STK3: variants seen among roughly 807,000 people sequenced by gnomAD.
The protein encoded by STK3 is serine/threonine kinase 3, also known as serine/threonine-protein kinase 3.
STK3 carries 41 observed loss-of-function variants against 58.0 expected under a neutral mutation model. That is an observed-to-expected ratio of 0.71 (90% CI 0.55 to 0.92). STK3 has a LOEUF of 0.92. STK3 is among the 40% of genes least tolerant of loss of function. The probability of loss-of-function intolerance (pLI) is 0.00; values close to 1 mark genes in which losing one functional copy is unlikely to be tolerated. For missense variants in STK3, 479 were observed against 602.7 expected, an observed-to-expected ratio of 0.79 and a Z score of 2.15; for synonymous variants, 170 against 191.0, an observed-to-expected ratio of 0.89 and a Z score of 0.91.
intron 3 of STK3, among the ~76,000 whole-genome samples, chr8:98,839,637 T>C (rs913211975): frequency 3.3e-5 from 5 of 152,226 alleles, no homozygotes; most frequent in Non-Finnish European, 7.3e-5. Flanking sequence ...AGGTAATTTT[T>C]TGCTTAATAA....
intron 1 of STK3, among the ~76,000 whole-genome samples, chr8:98,930,175 T>G (rs1419406895): frequency 2.0e-5 from 3 of 152,140 alleles, no homozygotes; most frequent in Admixed American, 1.3e-4. Context: ...GACAAATCCT[T>G]CATCTCAACT....
intron 1 of STK3, chr8:98,782,354 T>C (rs1351236673): frequency 5.3e-6 from 1 of 188,792 alleles, no homozygotes; most frequent in Non-Finnish European, 1.1e-5. Context: ...CTGCATCAGC[T>C]GCTCAAAGAT....
chr8:98,600,588 C>G (rs1227182492), intron 6 of STK3, among the ~76,000 whole-genome samples: 3 of 152,166 alleles, frequency 2.0e-5, no homozygotes, highest in Non-Finnish European at 2.9e-5. Flanking sequence ...ACCACTGCTT[C>G]CATCAGATTT....
intron 8 of STK3, among the ~76,000 whole-genome samples, chr8:98,565,025 C>T (rs886865721): frequency 6.6e-6 from 1 of 151,972 alleles, no homozygotes; most frequent in East Asian, 1.9e-4. Flanking sequence ...TTCTATAAAC[C>T]TAAAACTATT....
chr8:98,697,962 G>T (rs1450008053), intron 6 of STK3, among the ~76,000 whole-genome samples: 1 of 152,152 alleles, frequency 6.6e-6, no homozygotes, highest in Non-Finnish European at 1.5e-5. Context: ...TGACAGTGGG[G>T]TGTTAAAGTC....
In STK3 at chr8:98,526,932, G is replaced by A. The variant is rs1463939062; in HGVS notation, c.1142-15C>T. The stretch of plus-strand genomic sequence containing the variant: ...GGTTGCATTTCCTTAGGTAAACAAA[G>A]AACATAAGGAAGGTATAAGTTCTTA... On this transcript the variant is annotated splice_polypyrimidine_tract_variant and intron_variant, in intron 9 of 10. Transcript: ENST00000419617. 3 of 1,508,852 alleles carry A rather than the reference G, an allele frequency of 2.0e-6. No homozygotes were observed. The African/African-American group carries it at 4.2e-5, about 21-fold the overall frequency. 93.5% of individuals were successfully genotyped at this position (1,508,852 alleles called of 1,614,324 possible). A position where few individuals can be genotyped will look rare whatever the true frequency, so the allele number is the denominator to read the frequency against.
Position 98,444,616 on chromosome 8 carries a change from G to T in STK3, n.186-7408C>A, listed in dbSNP as rs141169120. Among the ~76,000 whole-genome samples, 10 of 152,274 alleles carry T rather than the reference G, an allele frequency of 6.6e-5. No individual in the cohort carries two copies. In the East Asian group the frequency reaches 1.9e-3, roughly 29 times the overall value. On this transcript the variant is annotated intron_variant and non_coding_transcript_variant, in intron 1 of 3. Coordinates refer to the STK3 transcript ENST00000517832. ...GGGTGAAAGACAATGAAGATTTAAG[G>T]GGGACTCCCGGGTTTCTAGCATTAG...
At chr8:98,860,048 C>T (rs888458613) in intron 3 of STK3, among the ~76,000 whole-genome samples, 1 of 152,078 alleles carries the variant, frequency 6.6e-6, no homozygotes, top group African/African-American at 2.4e-5. Flanking sequence ...CATGTTAGTT[C>T]AACTAACATG....
intron 6 of STK3, among the ~76,000 whole-genome samples, chr8:98,608,243 A>T (rs1214664389): frequency 6.6e-6 from 1 of 152,162 alleles, no homozygotes; most frequent in Non-Finnish European, 1.5e-5. Context: ...TCACAAATAA[A>T]AAAAAAAATT....
At chr8:98,936,273 A>C (rs903762471) in intron 1 of STK3, among the ~76,000 whole-genome samples, 1 of 152,116 alleles carries the variant, frequency 6.6e-6, no homozygotes, top group African/African-American at 2.4e-5. Flanking sequence ...TCAGACACAG[A>C]GGGTTCAACA....
At chr8:98,674,668 T>G (rs1823069242) in intron 6 of STK3, among the ~76,000 whole-genome samples, 1 of 152,170 alleles carries the variant, frequency 6.6e-6, no homozygotes, top group South Asian at 2.1e-4. Flanking sequence ...TAAAAACCCT[T>G]CACTTCAAAT....
At chr8:98,603,935 A>C (rs942117083) in intron 6 of STK3, among the ~76,000 whole-genome samples, 3 of 152,224 alleles carry the variant, frequency 2.0e-5, no homozygotes, top group Non-Finnish European at 4.4e-5. Flanking sequence ...GATAAGATTA[A>C]GTTAAAAGTC....
rs1486473510 is a variant in STK3, at chr8:98,584,676, T to C, written c.823-4887A>G. 5.1e-4 allele frequency among the ~76,000 whole-genome samples: 77 copies of C among 150,666 alleles called. 1 individual carries two copies. Among genetic ancestry groups the C allele is most frequent in the African/African-American group, 1.6e-3 (65 of 41,056 alleles). On this transcript the variant is annotated intron_variant, in intron 7 of 10. Transcript: ENST00000419617. ...CTAGATCCCTGAGGAATCGCCACAC[T>C]GACTTCCACAATGGTTGAACTAGTT... is the stretch of plus-strand genomic sequence containing the variant.
chr8:98,515,471 G>C (rs187259553), intron 10 of STK3, among the ~76,000 whole-genome samples: 5 of 152,216 alleles, frequency 3.3e-5, no homozygotes, highest in Admixed American at 1.3e-4. Context: ...CTCCATGTCT[G>C]TATTCCTACT....
upstream of STK3, among the ~76,000 whole-genome samples, chr8:98,825,880 G>GCCGC (rs1835266101): frequency 4.7e-5 from 1 of 21,282 alleles, no homozygotes; most frequent in East Asian, 2.4e-3. Context: ...CCCCGGCCGC[G>GCCGC]CCGGCCGCCA....
intron 3 of STK3, among the ~76,000 whole-genome samples, chr8:98,869,536 G>C (rs1312596936): frequency 6.6e-6 from 1 of 152,130 alleles, no homozygotes; most frequent in African/African-American, 2.4e-5. Flanking sequence ...GGCAGAAGGA[G>C]ATTTGAGAAA....
intron 4 of STK3, among the ~76,000 whole-genome samples, chr8:98,739,851 A>T (rs1829025295): frequency 1.3e-5 from 2 of 148,898 alleles, no homozygotes; most frequent in African/African-American, 2.5e-5. Flanking sequence ...CTTTGAAAAA[A>T]ATTTAGACGA....
chr8:98,938,734 A>G (rs1840284565), intron 1 of STK3, among the ~76,000 whole-genome samples: 1 of 151,964 alleles, frequency 6.6e-6, no homozygotes, highest in Admixed American at 6.6e-5. Flanking sequence ...AGTGTCATGC[A>G]CTCTGACCTA....
chr8:98,904,436 A>C (rs577057415), intron 1 of STK3, among the ~76,000 whole-genome samples: 14 of 152,354 alleles, frequency 9.2e-5, no homozygotes, highest in Admixed American at 7.8e-4. Context: ...TCAACTTAGA[A>C]GAATTAAATT....
Sources: allele counts gnomAD v4.1 joint callset (sites outside exome capture counted in the v4.1 genomes callset), GRCh38; gene constraint gnomAD v4.1.1; transcripts MANE v1.5; gene names NCBI Gene and HGNC (gene_info 2026-07-23, HGNC 2026-07-21).